CCNY: variants seen among roughly 807,000 people sequenced by gnomAD.
CCNY encodes cyclin Y.
In CCNY, 19 loss-of-function variants were observed where a neutral mutation model predicts 42.8. That is an observed-to-expected ratio of 0.44 (90% CI 0.31 to 0.65). CCNY has a LOEUF of 0.65. Among genes scored for constraint, CCNY ranks in the 30% least tolerant of loss-of-function variants. The probability of loss-of-function intolerance (pLI) is 0.07; values close to 1 mark genes in which losing one functional copy is unlikely to be tolerated. For missense variants in CCNY, 370 were observed against 437.3 expected (o/e 0.85, Z 1.37); for synonymous variants, 165 against 162.7 (o/e 1.01, Z -0.11).
chr10:35,407,822 G>A (rs551941973), intron 1 of CCNY, among the ~76,000 whole-genome samples: 11 of 152,206 alleles, frequency 7.2e-5, no homozygotes, highest in South Asian at 4.1e-4. Context: ...AGGCGTCTCC[G>A]CACTTGACTT....
intron 3 of CCNY, among the ~76,000 whole-genome samples, chr10:35,305,841 T>G (rs763294798): frequency 6.6e-6 from 1 of 152,194 alleles, no homozygotes; most frequent in Non-Finnish European, 1.5e-5. Context: ...GTAATGTCCC[T>G]GTGGATGGTG....
chr10:35,249,441 T>G (rs1238884547), intron 2 of CCNY, among the ~76,000 whole-genome samples: 1 of 151,760 alleles, frequency 6.6e-6, no homozygotes, highest in African/African-American at 2.4e-5. Context: ...TTATGTTGTT[T>G]AAGACCTTAA....
At chr10:35,540,914 G>A (rs1468969074) in intron 7 of CCNY, among the ~76,000 whole-genome samples, 1 of 151,892 alleles carries the variant, frequency 6.6e-6, no homozygotes, top group Non-Finnish European at 1.5e-5. Context: ...CTTTTTCTTG[G>A]TTGGTCTACC....
chr10:35,568,821 A>G (rs1015169291), intron 9 of CCNY, among the ~76,000 whole-genome samples: 5 of 152,200 alleles, frequency 3.3e-5, no homozygotes, highest in African/African-American at 1.2e-4. Context: ...CTGTACTGTT[A>G]TTTCACATCC....
chr10:35,534,427 A>G (rs1210155867), intron 7 of CCNY, among the ~76,000 whole-genome samples: 1 of 152,188 alleles, frequency 6.6e-6, no homozygotes, highest in African/African-American at 2.4e-5. Flanking sequence ...CTGTCTGTAG[A>G]GCCACAGCAA....
In CCNY at chr10:35,384,824, C is replaced by T. The variant is rs141800932; in HGVS notation, c.154+47617C>T. On this transcript the variant is annotated intron_variant, in intron 1 of 9. Transcript: ENST00000374704. The stretch of plus-strand genomic sequence containing the variant: ...CTCACAAATTGCTTCCGTGGGCTTC[C>T]GAGACAGCAGGCCTGCCGTCTGAGA... Among the ~76,000 whole-genome samples the T allele has an allele frequency of 2.6e-5, 4 of 152,224 alleles. No homozygotes were observed. In the South Asian group the frequency reaches 6.2e-4, roughly 24 times the overall value.
chr10:35,510,991 C>T (rs1840314503), intron 3 of CCNY, among the ~76,000 whole-genome samples: 1 of 152,246 alleles, frequency 6.6e-6, no homozygotes, highest in South Asian at 2.1e-4. Context: ...GTCTCGTCCA[C>T]ATGAACTTGG....
chr10:35,400,587 A>G (rs1241426659), intron 1 of CCNY, among the ~76,000 whole-genome samples: 2 of 152,208 alleles, frequency 1.3e-5, no homozygotes, highest in African/African-American at 4.8e-5. Context: ...TAACCTCCCA[A>G]CTAAAAGAAT....
At chr10:35,504,578 G>T (rs1238298334) in intron 3 of CCNY, among the ~76,000 whole-genome samples, 1 of 152,220 alleles carries the variant, frequency 6.6e-6, no homozygotes, top group Admixed American at 6.5e-5. Context: ...ATTTTAATCA[G>T]CACCTATGTT....
rs147810454 is a variant in CCNY, at chr10:35,337,945, C to T, written c.154+738C>T. 3.2e-3 allele frequency among the ~76,000 whole-genome samples: 492 copies of T among 152,316 alleles called. 2 individuals carry two copies. Among genetic ancestry groups the T allele is most frequent in the Non-Finnish European group, 4.9e-3 (335 of 68,026 alleles). The stretch of plus-strand genomic sequence containing the variant: ...AAAGAAAAAAAGCTAAGACTAATTA[C>T]TGCACGCAGTAATGTTTTATTTATT... On this transcript the variant is annotated intron_variant, in intron 1 of 9. Coordinates refer to ENST00000374704, the MANE Select transcript of CCNY (RefSeq NM_145012.6).
intron 1 of CCNY, among the ~76,000 whole-genome samples, chr10:35,473,349 T>C (rs1839429139): frequency 6.6e-6 from 1 of 152,234 alleles, no homozygotes; most frequent in Admixed American, 6.5e-5. Context: ...AGTAAGGCAG[T>C]AGTTTGTGTT....
At chr10:35,323,104 T>G (rs1835839509) in intron 3 of CCNY, among the ~76,000 whole-genome samples, 1 of 152,176 alleles carries the variant, frequency 6.6e-6, no homozygotes, top group African/African-American at 2.4e-5. Flanking sequence ...TTTTTTTGTA[T>G]TTTTAGTAGA....
intron 1 of CCNY, among the ~76,000 whole-genome samples, chr10:35,348,517 A>C (rs1218542118): frequency 6.6e-6 from 1 of 152,172 alleles, no homozygotes; most frequent in Non-Finnish European, 1.5e-5. Flanking sequence ...GGAGGATACG[A>C]CTTCGTCACT....
At chr10:35,430,643 A>G (rs578091317) in intron 1 of CCNY, among the ~76,000 whole-genome samples, 9 of 152,134 alleles carry the variant, frequency 5.9e-5, no homozygotes, top group Admixed American at 3.3e-4. Flanking sequence ...TGGAAGTTTA[A>G]CTGTTATTTC....
At chr10:35,484,632 T>C (rs1341345392) in intron 2 of CCNY, among the ~76,000 whole-genome samples, 1 of 150,802 alleles carries the variant, frequency 6.6e-6, no homozygotes, top group Non-Finnish European at 1.5e-5. Flanking sequence ...TTGGGAGGGG[T>C]GGGATAATAC....
At chr10:35,565,136 G>A (rs1841543533) in intron 8 of CCNY, among the ~76,000 whole-genome samples, 1 of 152,182 alleles carries the variant, frequency 6.6e-6, no homozygotes, top group African/African-American at 2.4e-5. Context: ...TAATTTGAAA[G>A]ATAGCTGACA....
At chr10:35,560,234 A>G (rs113595624) in intron 8 of CCNY, among the ~76,000 whole-genome samples, 7,544 of 152,230 alleles carry the variant, frequency 0.05, 539 homozygotes, top group African/African-American at 0.16. Context: ...TGTGTTCTGC[A>G]TGTAAGATGG....
At chr10:35,333,490 G>A (rs187744844), upstream of CCNY, among the ~76,000 whole-genome samples, 60 of 152,290 alleles carry the variant, frequency 3.9e-4, no homozygotes, top group Non-Finnish European at 7.6e-4. Context: ...AAAAAGAGAA[G>A]GAGAGAAGTG....
intron 1 of CCNY, among the ~76,000 whole-genome samples, chr10:35,403,210 A>C (rs1156320732): frequency 3.9e-5 from 6 of 152,304 alleles, no homozygotes; most frequent in South Asian, 4.1e-4. Flanking sequence ...CCTTGAGGAT[A>C]GATTTCCACG....
Sources: allele counts gnomAD v4.1 joint callset (sites outside exome capture counted in the v4.1 genomes callset), GRCh38; gene constraint gnomAD v4.1.1; transcripts MANE v1.5; gene names NCBI Gene and HGNC (gene_info 2026-07-23, HGNC 2026-07-21).